The following CEP112 variants were observed in gnomAD, a reference collection of about 807,000 sequenced individuals.
CEP112 encodes centrosomal protein 112, also known as centrosomal protein of 112 kDa.
In CEP112, 127 loss-of-function variants were observed where a neutral mutation model predicts 153.0. That is an observed-to-expected ratio of 0.83 (90% CI 0.72 to 0.96). The LOEUF is 0.96. CEP112 is among the 40% of genes least tolerant of loss of function. CEP112 has a pLI of 0.00. For missense variants in CEP112, 1,089 were observed against 1,101.2 expected (o/e 0.99, Z 0.16); for synonymous variants, 358 against 374.4 (o/e 0.96, Z 0.51).
At chr17:66,158,793 T>C (rs891711228) in intron 4 of CEP112, among the ~76,000 whole-genome samples, 5 of 151,742 alleles carry the variant, frequency 3.3e-5, no homozygotes, top group African/African-American at 1.2e-4. Context: ...TTAAAAGAAC[T>C]AGAGAAGCAA....
At chr17:66,157,608 A>G (rs904084244) in intron 4 of CEP112, among the ~76,000 whole-genome samples, 1 of 151,858 alleles carries the variant, frequency 6.6e-6, no homozygotes, top group Non-Finnish European at 1.5e-5. Context: ...GTCAAGACCC[A>G]TCAGTGTGCT....
intron 17 of CEP112, among the ~76,000 whole-genome samples, chr17:65,976,538 A>C (rs1175885082): frequency 6.6e-6 from 1 of 152,130 alleles, no homozygotes; most frequent in Non-Finnish European, 1.5e-5. Flanking sequence ...AAAATTTCTA[A>C]GGACCCTATA....
In CEP112 at chr17:65,736,335, G is replaced by A. The variant is rs950199151; in HGVS notation, c.2607+6733C>T. Among the ~76,000 whole-genome samples, 4 of 152,138 alleles carry A rather than the reference G, an allele frequency of 2.6e-5. No individual in the cohort carries two copies. In the South Asian group the frequency reaches 6.2e-4, roughly 24 times the overall value. ...AAGAAGAAGAGCAGGCTGGGGCTGG[G>A]AGAAGAGCAAGAGGAAGATTAATTC... On this transcript the variant is annotated intron_variant, in intron 23 of 26. Coordinates refer to ENST00000535342, the MANE Select transcript of CEP112 (RefSeq NM_001199165.4).
intron 17 of CEP112, among the ~76,000 whole-genome samples, chr17:65,985,293 G>A (rs4791105): frequency 0.41 from 62,454 of 151,982 alleles, 14,289 homozygotes; most frequent in East Asian, 0.87. Context: ...AGGAAGCAAA[G>A]AACTGGTGGA....
chr17:65,979,241 T>C (rs1340339024), intron 17 of CEP112, among the ~76,000 whole-genome samples: 1 of 152,014 alleles, frequency 6.6e-6, no homozygotes, highest in South Asian at 2.1e-4. Context: ...TAATTTTATT[T>C]ATTTATTTAT....
chr17:65,988,227 G>T (rs1394120653), intron 17 of CEP112, among the ~76,000 whole-genome samples: 1 of 152,164 alleles, frequency 6.6e-6, no homozygotes, highest in African/African-American at 2.4e-5. Context: ...AAAGGAGGCA[G>T]TGATCTAGCG....
intron 23 of CEP112, among the ~76,000 whole-genome samples, chr17:65,741,214 C>A (rs2051114656): frequency 6.6e-6 from 1 of 151,962 alleles, no homozygotes; most frequent in Admixed American, 6.6e-5. Flanking sequence ...AATGGCAGAG[C>A]CTGGAACATA....
At chr17:66,114,584 A>C (rs553948909) in intron 6 of CEP112, among the ~76,000 whole-genome samples, 1 of 152,326 alleles carries the variant, frequency 6.6e-6, no homozygotes, top group Admixed American at 6.5e-5. Flanking sequence ...TTCACTCTTC[A>C]ACACCAAATT....
At chr17:66,029,739 C>G in intron 13 of CEP112, 130 bp downstream of exon 13, 2 of 591,732 alleles carry the variant, frequency 3.4e-6, no homozygotes, top group Non-Finnish European at 5.2e-6. Flanking sequence ...AACAAACAAA[C>G]AGCAGTATTT....
intron 19 of CEP112, among the ~76,000 whole-genome samples, chr17:65,909,909 T>G (rs2060222121): frequency 6.6e-6 from 1 of 152,124 alleles, no homozygotes; most frequent in Admixed American, 6.6e-5. Context: ...AAAAATGAAC[T>G]GAAGATGTAT....
At chr17:65,853,590 A>G (rs1384010704) in intron 20 of CEP112, among the ~76,000 whole-genome samples, 2 of 152,076 alleles carry the variant, frequency 1.3e-5, no homozygotes, top group Non-Finnish European at 2.9e-5. Context: ...TTAGCTGGGC[A>G]TGGTGGTGGG....
chr17:65,852,316 TTTCCTTC>T (rs2057975844), intron 20 of CEP112, among the ~76,000 whole-genome samples: 2 of 53,962 alleles, frequency 3.7e-5, no homozygotes, highest in Non-Finnish European at 7.1e-5. Context: ...TTCCCTTCCC[TTTCCTTC>T]CCTTTCCTTC....
At chr17:65,846,500 T>C (rs1324451069) in intron 21 of CEP112, among the ~76,000 whole-genome samples, 1 of 152,204 alleles carries the variant, frequency 6.6e-6, no homozygotes, top group Non-Finnish European at 1.5e-5. Context: ...TCAATAACAG[T>C]TTATTCACAT....
chr17:65,640,155 T>TATATATATA (rs1491163281), intron 25 of CEP112, among the ~76,000 whole-genome samples: 44 of 24,972 alleles, frequency 1.8e-3, no homozygotes, highest in African/African-American at 8.3e-3. Flanking sequence ...TATATATATA[T>TATATATATA]TTTTTTTTTT....
At chr17:65,857,303 G>A (rs1373803736) in intron 20 of CEP112, among the ~76,000 whole-genome samples, 1 of 152,172 alleles carries the variant, frequency 6.6e-6, no homozygotes, top group Non-Finnish European at 1.5e-5. Flanking sequence ...GGACAAGCTT[G>A]CAGTTTATTC....
intron 16 of CEP112, among the ~76,000 whole-genome samples, chr17:66,023,914 C>T (rs2065096428): frequency 6.6e-6 from 1 of 152,028 alleles, no homozygotes; most frequent in South Asian, 2.1e-4. Flanking sequence ...ATGCAAAAAT[C>T]CATAATAAAA....
At chr17:66,129,956 A>G in intron 5 of CEP112, 133 bp from the exon 6 acceptor site, 1 of 553,572 alleles carries the variant, frequency 1.8e-6, no homozygotes, top group Middle Eastern at 3.9e-4. Context: ...GTAAAAAAGG[A>G]AAAAAGGAAG....
intron 24 of CEP112, among the ~76,000 whole-genome samples, chr17:65,670,718 A>G (rs1232002606): frequency 6.6e-6 from 1 of 152,212 alleles, no homozygotes; most frequent in Admixed American, 6.5e-5. Flanking sequence ...GTCAGTATAC[A>G]CCGAACCAAA....
chr17:66,134,675 C>T (rs1182683188), intron 4 of CEP112, among the ~76,000 whole-genome samples: 5 of 152,026 alleles, frequency 3.3e-5, no homozygotes, highest in Admixed American at 6.6e-5. Context: ...AGCAGTCAGT[C>T]GGGCATGGTG....
Sources: allele counts gnomAD v4.1 joint callset (sites outside exome capture counted in the v4.1 genomes callset), GRCh38; gene constraint gnomAD v4.1.1; transcripts MANE v1.5; gene names NCBI Gene and HGNC (gene_info 2026-07-23, HGNC 2026-07-21).